TRPM5: variants seen among roughly 807,000 people sequenced by gnomAD.
The protein encoded by TRPM5 is MLSN1 and TRP-related.
TRPM5 carries 121 observed loss-of-function variants against 124.9 expected under a neutral mutation model. That is an observed-to-expected ratio of 0.97 (90% confidence interval 0.84 to 1.13). The LOEUF is 1.13. Ranked by LOEUF, TRPM5 falls within the 50% of genes most tolerant of loss-of-function variation. TRPM5 has a pLI of 0.00. For synonymous variants in TRPM5, 781 were observed against 700.5 expected (o/e 1.11, Z -1.81); for missense variants, 1,643 against 1,589.1 (o/e 1.03, Z -0.58).
intron 11 of TRPM5, among the ~76,000 whole-genome samples, chr11:2,414,493 G>A (rs546245899): frequency 7.5e-4 from 114 of 152,332 alleles, no homozygotes; most frequent in Non-Finnish European, 1.3e-3. Context: ...GTGTGAGGCT[G>A]TATCGTCCTC....
chr11:2,443,357 A>C, the TRPM5 span, among the ~76,000 whole-genome samples: 2 of 152,196 alleles, frequency 1.3e-5, no homozygotes, highest in Admixed American at 1.3e-4. The surrounding 1 kb of genome is among the most constrained non-coding windows in gnomAD (Gnocchi z 5.0). Flanking sequence ...GTTCACCCGG[A>C]AAGTAACTGC....
chr11:2,419,947 G>C (rs1845744371), intron 4 of TRPM5, among the ~76,000 whole-genome samples: 1 of 152,330 alleles, frequency 6.6e-6, no homozygotes, highest in African/African-American at 2.4e-5. Flanking sequence ...AGTGAAAACA[G>C]AACTGCACCT....
intron 4 of TRPM5, among the ~76,000 whole-genome samples, chr11:2,419,628 A>G (rs74541637): frequency 1.2e-3 from 67 of 54,668 alleles, no homozygotes; most frequent in Non-Finnish European, 2.0e-3. Flanking sequence ...GCCTCAAAAA[A>G]AAAAAAAAAA....
At chr11:2,442,376 TACAC>T in the TRPM5 span, among the ~76,000 whole-genome samples, 23,586 of 140,864 alleles carry the variant, frequency 0.17, 1,839 homozygotes, top group Middle Eastern at 0.26. The surrounding 1 kb of genome is among the most constrained non-coding windows in gnomAD (Gnocchi z 5.9). Flanking sequence ...CATTCTTTGA[TACAC>T]ACACACACAC....
At chr11:2,417,705 T>TGGG in intron 7 of TRPM5, 22 bp downstream of exon 12, 5 of 1,140,672 alleles carry the variant, frequency 4.4e-6, no homozygotes, top group East Asian at 2.4e-5. Context: ...GCGCCTGCCT[T>TGGG]GCCCACCCTG....
At chr11:2,412,695 T>G in intron 15 of TRPM5, 59 bp downstream of exon 20, 1 of 1,504,508 alleles carries the variant, frequency 6.6e-7, no homozygotes, top group South Asian at 1.4e-5. Flanking sequence ...GGACCCAGCT[T>G]AGGTTGCCCA....
the TRPM5 span, among the ~76,000 whole-genome samples, chr11:2,441,719 C>T: frequency 6.6e-6 from 1 of 151,862 alleles, no homozygotes; most frequent in Non-Finnish European, 1.5e-5. This position sits in a 1 kb window ranked among gnomAD's most constrained non-coding sequence, Gnocchi z 7.2. Context: ...GATGGAGTTT[C>T]GCTCTTGTCA....
chr11:2,409,891 T>C (rs1850409817), intron 18 of TRPM5, among the ~76,000 whole-genome samples: 1 of 152,138 alleles, frequency 6.6e-6, no homozygotes, highest in African/African-American at 2.4e-5. Flanking sequence ...GGAGTCTGTT[T>C]CCCTGCCTTC....
chr11:2,415,783 G>A (rs1046593821), intron 8 of TRPM5, 123 bp downstream of exon 13: 18 of 752,602 alleles, frequency 2.4e-5, no homozygotes, highest in South Asian at 8.8e-5. Flanking sequence ...GTCTTGCCCC[G>A]GACCTTGGGA....
intron 2 of TRPM5, 39 bp from the exon 8 acceptor site, chr11:2,421,237 C>T (rs1366760617): frequency 4.8e-5 from 73 of 1,516,866 alleles, no homozygotes; most frequent in Non-Finnish European, 6.1e-5. Context: ...GCCGCACGCC[C>T]CAGGTCTTCC....
chr11:2,431,715 A>G, the TRPM5 span, among the ~76,000 whole-genome samples: 1 of 151,068 alleles, frequency 6.6e-6, no homozygotes, highest in Non-Finnish European at 1.5e-5. Flanking sequence ...TCCCACTCAG[A>G]TCTCAGCTCT....
At chr11:2,425,193 C>A (rs1376452536), upstream of TRPM5, among the ~76,000 whole-genome samples, 1 of 152,074 alleles carries the variant, frequency 6.6e-6, no homozygotes, top group Non-Finnish European at 1.5e-5. Flanking sequence ...AAACAAAGGG[C>A]CACACTCTCG....
rs774748961 is a variant in TRPM5, at chr11:2,418,181, G to A, written c.892C>T (p.Arg298Cys). The A allele has an allele frequency of 8.9e-6, 14 of 1,574,600 alleles. No homozygotes were observed. Among genetic ancestry groups the A allele is most frequent in the South Asian group, 6.9e-5 (6 of 86,566 alleles). The change falls in exon 6 of 24, where the codon CGC becomes TGC. Residue 298 changes from arginine (R) to cysteine (C), a missense_variant. Coordinates refer to ENST00000155858, the Ensembl canonical transcript of TRPM5. ...GCAGCACATACCAGCTTGGTCCAGC[G>A]CACGATGTCCTCCCAAGAGAAATGC...
At chr11:2,416,439 A>G (rs953841961) in intron 7 of TRPM5, among the ~76,000 whole-genome samples, 1 of 152,002 alleles carries the variant, frequency 6.6e-6, no homozygotes, top group Non-Finnish European at 1.5e-5. Context: ...CACCAGGGTC[A>G]CTCAAGGGGG....
At chr11:2,439,569 A>G in the TRPM5 span, among the ~76,000 whole-genome samples, 3 of 152,232 alleles carry the variant, frequency 2.0e-5, no homozygotes, top group Admixed American at 2.0e-4. Context: ...ACAAGCATAT[A>G]AAAGAAAGCT....
chr11:2,414,013 G>GGC, intron 12 of TRPM5, 48 bp downstream of exon 17: 2 of 625,670 alleles, frequency 3.2e-6, no homozygotes, highest in Non-Finnish European at 2.4e-6. Flanking sequence ...CAGCTCGCCC[G>GGC]CCCACCCCAC....
chr11:2,414,010 CCCGCCCA>C, intron 12 of TRPM5, 44 bp downstream of exon 17: 5 of 420,338 alleles, frequency 1.2e-5, no homozygotes, highest in Non-Finnish European at 2.3e-5. Context: ...GCCCAGCTCG[CCCGCCCA>C]CCCCACCCCC....
At chr11:2,411,641 C>G in exon 17 of TRPM5, 1 of 1,612,578 alleles carries the variant, frequency 6.2e-7, no homozygotes, top group Admixed American at 1.7e-5. Context: ...TCACCATGCG[C>G]TCTACCACGA....
chr11:2,420,125 C>A, intron 4 of TRPM5, 97 bp downstream of exon 9: 1 of 1,407,094 alleles, frequency 7.1e-7, no homozygotes, highest in East Asian at 2.3e-5. Context: ...GAAGCCCTCC[C>A]CCTTCTCCCT....
Sources: allele counts gnomAD v4.1 joint callset (sites outside exome capture counted in the v4.1 genomes callset), GRCh38; gene constraint gnomAD v4.1.1; non-coding constraint Gnocchi (gnomAD v3.1); transcripts MANE v1.5; gene names NCBI Gene and HGNC (gene_info 2026-07-23, HGNC 2026-07-21).